Variants in KLF15 observed in about 807,000 individuals in gnomAD.
KLF15 encodes Krueppel-like factor 15.
A neutral mutation model predicts 24.6 loss-of-function variants in KLF15; 4 were observed. That is an observed-to-expected ratio of 0.16 (90% CI 0.08 to 0.37). The LOEUF is 0.37. KLF15 is among the 10% of genes least tolerant of loss of function. The pLI is 1.00. For synonymous variants in KLF15, 246 were observed against 236.3 expected (o/e 1.04, Z -0.37); for missense variants, 496 against 560.6 (o/e 0.88, Z 1.16).
At chr3:126,321,788 C>T in the KLF15 span, among the ~76,000 whole-genome samples, 2 of 152,122 alleles carry the variant, frequency 1.3e-5, no homozygotes, top group African/African-American at 2.4e-5. Context: ...AATTGTGGGT[C>T]GCTGGGCCCT....
chr3:126,307,265 G>A, the KLF15 span, among the ~76,000 whole-genome samples: 1 of 152,076 alleles, frequency 6.6e-6, no homozygotes, highest in Non-Finnish European at 1.5e-5. Flanking sequence ...GGGTCACCGG[G>A]CTCCTCCATG....
At chr3:126,342,003 G>C (rs55694233), downstream of KLF15, among the ~76,000 whole-genome samples, 61,840 of 151,798 alleles carry the variant, frequency 0.41, 12,975 homozygotes, top group Non-Finnish European at 0.45. Context: ...CTTCCCCCAG[G>C]CTCCAGCCAG....
the KLF15 span, among the ~76,000 whole-genome samples, chr3:126,290,171 G>T: frequency 2.0e-4 from 30 of 152,268 alleles, no homozygotes; most frequent in East Asian, 5.2e-3. Flanking sequence ...GGGAGTAGGG[G>T]TCCCAAGTTT....
chr3:126,316,482 CCACAGGCCGGAG>C, the KLF15 span, among the ~76,000 whole-genome samples: 100 of 92,646 alleles, frequency 1.1e-3, no homozygotes, highest in Middle Eastern at 7.9e-3. Context: ...GGAAGGGAGT[CCACAGGCCGGAG>C]TGGGACTGGG....
the KLF15 span, among the ~76,000 whole-genome samples, chr3:126,327,381 G>A: frequency 1.3e-5 from 2 of 152,166 alleles, no homozygotes; most frequent in Non-Finnish European, 2.9e-5. Context: ...TGATCAGACC[G>A]ACTTTAACTG....
chr3:126,319,650 G>T, the KLF15 span, among the ~76,000 whole-genome samples: 2 of 152,116 alleles, frequency 1.3e-5, no homozygotes, highest in African/African-American at 4.8e-5. Context: ...TTTAAGAGTT[G>T]TTTTGTTGTG....
chr3:126,342,820 T>C lies in KLF15; in HGVS notation c.*907A>G, dbSNP rs1186506599. 6.6e-6 allele frequency: 1 copy of C among 152,642 alleles called. No individual in the cohort carries two copies. Among genetic ancestry groups the C allele is most frequent in the Non-Finnish European group, 1.5e-5 (1 of 68,044 alleles). The allele number at this position is 152,642 out of a possible 1,614,324, so 9.5% of individuals were successfully genotyped here. On this transcript the variant is annotated 3_prime_UTR_variant, in exon 3 of 3. Coordinates refer to ENST00000296233, the MANE Select transcript of KLF15 (RefSeq NM_014079.4). ...TGGACCTATGTACAGTTTATTTACA[T>C]ACATTCATAGGATGTGAAATAAACC...
At chr3:126,299,205 A>AGTATGTATGTATGTATGTAT in the KLF15 span, among the ~76,000 whole-genome samples, 3,075 of 150,470 alleles carry the variant, frequency 0.02, 55 homozygotes, top group African/African-American at 0.05. Flanking sequence ...TATATTCCTA[A>AGTATGTATGTATGTATGTAT]GTATGTATGT....
the KLF15 span, among the ~76,000 whole-genome samples, chr3:126,316,521 T>TGGAGAGGGAGTACATGGGCCGGAGTA: frequency 0.013 from 339 of 25,522 alleles, 2 homozygotes; most frequent in African/African-American, 0.067. Context: ...TGAGCTGCAG[T>TGGAGAGGGAGTACATGGGCCGGAGTA]GGGGAGGGAG....
In KLF15 at chr3:126,356,445, C is replaced by A. The variant is rs1451887596; in HGVS notation, c.-26+792G>T. ...GGGGAGGGAAGAGTGAACCGGACCACCATATGGGATGGGGACGGCCTCTCT... is the reference window on the plus strand; with the variant it reads ...GGGGAGGGAAGAGTGAACCGGACCAACATATGGGATGGGGACGGCCTCTCT... On this transcript the variant is annotated intron_variant, in intron 1 of 2. Transcript: ENST00000296233. This position sits in a 1 kb window ranked among gnomAD's most constrained non-coding sequence, Gnocchi z 4.4. Among the ~76,000 whole-genome samples the A allele has an allele frequency of 6.6e-6, 1 of 152,196 alleles. No individual in the cohort carries two copies. The highest frequency in any genetic ancestry group is 1.5e-5 in the Non-Finnish European group (1 of 68,028).
In KLF15 at chr3:126,352,218, C is replaced by T; in HGVS notation, c.705G>A (p.Gly235=). The change falls in exon 2 of 3, where the codon GGG becomes GGA. Residue 235 remains glycine (G), a synonymous_variant. Coordinates refer to ENST00000296233, the MANE Select transcript of KLF15 (RefSeq NM_014079.4). ...PVPVKQESGT[G]PASPGQAPEN... is the part of the protein sequence containing the mutation. ...CTGGGGCTTGCCCAGGGGAGGCAGG[C>T]CCTGTGCCCGATTCCTGCTTCACAG... 3 of 1,539,624 alleles carry T rather than the reference C, an allele frequency of 1.9e-6. No homozygotes were observed. The highest frequency in any genetic ancestry group is 1.3e-5 in the South Asian group (1 of 77,056).
intron 2 of KLF15, among the ~76,000 whole-genome samples, chr3:126,349,361 T>A (rs2082563063): frequency 6.6e-6 from 1 of 152,150 alleles, no homozygotes; most frequent in African/African-American, 2.4e-5. Flanking sequence ...GGACAGCTCC[T>A]GGGGGCAGTG....
chr3:126,316,117 G>A, the KLF15 span, among the ~76,000 whole-genome samples: 1 of 152,236 alleles, frequency 6.6e-6, no homozygotes, highest in Non-Finnish European at 1.5e-5. Context: ...GAGACCACGT[G>A]TGGCCTGTAA....
the KLF15 span, among the ~76,000 whole-genome samples, chr3:126,303,093 C>T: frequency 6.6e-6 from 1 of 152,124 alleles, no homozygotes; most frequent in South Asian, 2.1e-4. Flanking sequence ...AGGTCACCTT[C>T]AAGTGATATT....
intron 1 of KLF15, among the ~76,000 whole-genome samples, chr3:126,355,280 A>G (rs982440553): frequency 2.0e-5 from 3 of 152,268 alleles, no homozygotes; most frequent in Non-Finnish European, 4.4e-5. Context: ...AAAGTACAGT[A>G]GGGGGGCTGG....
At chr3:126,341,530 G>T (rs1160911999), downstream of KLF15, among the ~76,000 whole-genome samples, 1 of 152,122 alleles carries the variant, frequency 6.6e-6, no homozygotes, top group African/African-American at 2.4e-5. Flanking sequence ...CCCACAGAGG[G>T]TACATCCGGT....
chr3:126,306,634 A>C, the KLF15 span, among the ~76,000 whole-genome samples: 1 of 152,216 alleles, frequency 6.6e-6, no homozygotes, highest in Non-Finnish European at 1.5e-5. Flanking sequence ...ATACGCATGC[A>C]TGTGCACAAA....
the KLF15 span, among the ~76,000 whole-genome samples, chr3:126,305,698 G>A: frequency 3.3e-5 from 5 of 152,336 alleles, no homozygotes; most frequent in Middle Eastern, 3.4e-3. Context: ...GGCAAGAGTG[G>A]AAGTTTTTGG....
At chr3:126,317,171 G>T in the KLF15 span, among the ~76,000 whole-genome samples, 2 of 152,122 alleles carry the variant, frequency 1.3e-5, no homozygotes. Context: ...GGGCTGGGCC[G>T]CATTGCTTCT....
Sources: gnomAD v4.1 joint callset for allele counts (sites outside exome capture counted in the v4.1 genomes callset) on GRCh38, gnomAD v4.1.1 for gene constraint, Gnocchi (gnomAD v3.1) non-coding constraint, MANE v1.5 for transcripts, NCBI Gene and HGNC (gene_info 2026-07-23, HGNC 2026-07-21) for gene names.